Variants in MSRB3 observed in about 807,000 individuals in gnomAD.
MSRB3 encodes methionine sulfoxide reductase B3, also known as methionine-R-sulfoxide reductase B3.
Under a neutral mutation model 21.0 loss-of-function variants are expected in MSRB3, and 13 were observed. The ratio of observed to expected loss-of-function variants is 0.62; its 90% CI spans 0.40 to 0.98. The LOEUF (loss-of-function observed/expected upper bound fraction) is 0.98, where lower values mean the gene tolerates loss of function less well. MSRB3 is among the 50% of genes least tolerant of loss of function. MSRB3 has a pLI of 0.00. For synonymous variants in MSRB3, 87 were observed against 88.6 expected (o/e 0.98, Z 0.10); for missense variants, 199 against 230.3 (o/e 0.86, Z 0.88).
intron 5 of MSRB3, among the ~76,000 whole-genome samples, chr12:65,431,829 A>G (rs1881892218): frequency 6.6e-6 from 1 of 152,148 alleles, no homozygotes; most frequent in South Asian, 2.1e-4. Context: ...TCTTCTGTTT[A>G]TAAATGGCAG....
intron 5 of MSRB3, among the ~76,000 whole-genome samples, chr12:65,391,410 A>G (rs1879475465): frequency 6.6e-6 from 1 of 152,226 alleles, no homozygotes; most frequent in African/African-American, 2.4e-5. Flanking sequence ...ATTTCTCTTC[A>G]GAGGCAAGAA....
At chr12:65,439,399 A>T (rs1408308906) in intron 5 of MSRB3, among the ~76,000 whole-genome samples, 1 of 151,764 alleles carries the variant, frequency 6.6e-6, no homozygotes. Context: ...ATAAGGATAG[A>T]GGATAACCCA....
At chr12:65,313,021 T>G (rs182542255) in intron 2 of MSRB3, among the ~76,000 whole-genome samples, 1 of 152,260 alleles carries the variant, frequency 6.6e-6, no homozygotes, top group East Asian at 1.9e-4. Flanking sequence ...TAAATCACAT[T>G]GTAGCTAAAC....
intron 2 of MSRB3, among the ~76,000 whole-genome samples, chr12:65,317,852 C>T (rs1383201367): frequency 6.6e-6 from 1 of 152,102 alleles, no homozygotes; most frequent in African/African-American, 2.4e-5. Context: ...ATTTAGAAAA[C>T]ATCTTTTAGA....
At chr12:65,300,546 T>A (rs934683365) in intron 1 of MSRB3, among the ~76,000 whole-genome samples, 1 of 152,188 alleles carries the variant, frequency 6.6e-6, no homozygotes, top group Non-Finnish European at 1.5e-5. Context: ...GTTTGGAATG[T>A]AGTAGAAGAG....
At position 65,466,873 on chromosome 12, in the gene MSRB3, C is replaced by T. The variant is rs1353175325; in HGVS notation, c.*3551C>T. 1 of 152,150 alleles carries T rather than the reference C, an allele frequency of 6.6e-6. No individual in the cohort carries two copies. Among genetic ancestry groups the T allele is most frequent in the Admixed American group, 6.5e-5 (1 of 15,278 alleles). The allele number at this position is 152,150 out of a possible 1,614,324, so 9.4% of individuals were successfully genotyped here. A position where few individuals can be genotyped will look rare whatever the true frequency, so the allele number is the denominator to read the frequency against. On this transcript the variant is annotated 3_prime_UTR_variant, in exon 7 of 7. Coordinates refer to ENST00000308259, the MANE Select transcript of MSRB3 (RefSeq NM_001031679.3). ...ACCCTTTTCCTATGTTTATTGTATA[C>T]AAGAATTATGCAATAAAATTTCTTT... is the stretch of plus-strand genomic sequence containing the variant.
At chr12:65,422,422 ATATATATATTTATTTATT>A (rs1881366791) in intron 5 of MSRB3, among the ~76,000 whole-genome samples, 1 of 78,900 alleles carries the variant, frequency 1.3e-5, no homozygotes, top group Admixed American at 1.3e-4. Context: ...ATATATATAT[ATATATATATTTATTTATT>A]TATTTATGGG....
intron 2 of MSRB3, among the ~76,000 whole-genome samples, chr12:65,316,476 A>G (rs1280452799): frequency 6.6e-6 from 1 of 152,184 alleles, no homozygotes; most frequent in Non-Finnish European, 1.5e-5. Flanking sequence ...AGCAAGCTCC[A>G]GAAAGGTAGA....
intron 5 of MSRB3, among the ~76,000 whole-genome samples, chr12:65,446,581 G>T (rs1212396735): frequency 6.6e-6 from 1 of 152,128 alleles, no homozygotes; most frequent in African/African-American, 2.4e-5. Flanking sequence ...ATACATGTTT[G>T]TTTCCCCTCT....
chr12:65,451,163 G>C (rs1258422572), intron 5 of MSRB3, among the ~76,000 whole-genome samples: 1 of 152,142 alleles, frequency 6.6e-6, no homozygotes, highest in Non-Finnish European at 1.5e-5. Context: ...ATCAGGATTT[G>C]GGTTGACATA....
chr12:65,418,722 T>A, intron 5 of MSRB3: 1 of 868,966 alleles, frequency 1.2e-6, no homozygotes, highest in Non-Finnish European at 1.9e-6. Context: ...TTCTGCTGGC[T>A]TAATGTCTCA....
chr12:65,460,736 CT>C (rs869050828), intron 6 of MSRB3, among the ~76,000 whole-genome samples: 14,648 of 132,810 alleles, frequency 0.11, 1,280 homozygotes, highest in African/African-American at 0.32. Context: ...CTCTTCCTCA[CT>C]TTTTTTTTTT....
chr12:65,464,230 T>G lies in MSRB3; in HGVS notation c.*908T>G. Reference sequence around the variant, plus strand: ...CGGAGCTTGCAGTTAGCCGAGATCATGCCACTGCACTCCAGCCTACATGAC... The same window carrying G: ...CGGAGCTTGCAGTTAGCCGAGATCAGGCCACTGCACTCCAGCCTACATGAC... On this transcript the variant is annotated 3_prime_UTR_variant, in exon 7 of 7. Transcript: ENST00000308259. The G allele has an allele frequency of 6.6e-6, 1 of 152,174 alleles. No homozygotes were observed. Among genetic ancestry groups the G allele is most frequent in the Non-Finnish European group, 1.5e-5 (1 of 68,084 alleles). 9.4% of individuals were successfully genotyped at this position (152,174 alleles called of 1,614,324 possible).
At chr12:65,301,009 CT>C (rs1255567078) in intron 1 of MSRB3, among the ~76,000 whole-genome samples, 1 of 152,170 alleles carries the variant, frequency 6.6e-6, no homozygotes, top group Non-Finnish European at 1.5e-5. Flanking sequence ...GCCAGAAATA[CT>C]GTGTACAGAG....
At chr12:65,328,245 G>A (rs770521983) in intron 3 of MSRB3, among the ~76,000 whole-genome samples, 5 of 151,342 alleles carry the variant, frequency 3.3e-5, no homozygotes, top group Non-Finnish European at 7.4e-5. Context: ...TAAACTACAG[G>A]CTTTTTTTTT....
intron 5 of MSRB3, among the ~76,000 whole-genome samples, chr12:65,452,022 A>C (rs971075636): frequency 6.6e-6 from 1 of 152,220 alleles, no homozygotes; most frequent in African/African-American, 2.4e-5. Flanking sequence ...AAGATAAATA[A>C]ATATAAGATG....
intron 5 of MSRB3, among the ~76,000 whole-genome samples, chr12:65,434,750 G>A (rs1882041861): frequency 6.6e-6 from 1 of 151,886 alleles, no homozygotes; most frequent in South Asian, 2.1e-4. Context: ...CCATCTGGAG[G>A]TTACTATCAT....
chr12:65,418,864 G>T (rs953937808), intron 5 of MSRB3: 3 of 766,592 alleles, frequency 3.9e-6, no homozygotes, highest in African/African-American at 3.4e-5. Flanking sequence ...GATGTCTTCT[G>T]GCAGGCAGTG....
At chr12:65,415,604 C>T (rs1360092552) in intron 5 of MSRB3, among the ~76,000 whole-genome samples, 1 of 152,172 alleles carries the variant, frequency 6.6e-6, no homozygotes, top group Non-Finnish European at 1.5e-5. Flanking sequence ...ATTTGTTGAA[C>T]TGGTAAATGA....
Sources: gnomAD v4.1 joint callset for allele counts (sites outside exome capture counted in the v4.1 genomes callset) on GRCh38, gnomAD v4.1.1 for gene constraint, MANE v1.5 for transcripts, NCBI Gene and HGNC (gene_info 2026-07-23, HGNC 2026-07-21) for gene names.